Variants in XK observed in about 807,000 individuals in gnomAD.
The protein encoded by XK is X-linked Kx blood group antigen, Kell and VPS13A binding protein.
Under a neutral mutation model 14.0 loss-of-function variants are expected in XK, and 2 were observed. The observed-to-expected ratio is 0.14, with a 90% CI of 0.06 to 0.45. The LOEUF is 0.45. XK is among the 20% of genes least tolerant of loss of function. The pLI, the probability that XK is intolerant of heterozygous loss-of-function variation, is 0.98. For synonymous variants in XK, 149 were observed against 147.5 expected (o/e 1.01, Z -0.08); for missense variants, 235 against 341.5 (o/e 0.69, Z 2.46).
chrX:37,722,923 A>C (rs1927908011), intron 2 of XK, among the ~76,000 whole-genome samples: 1 of 111,768 alleles, frequency 8.9e-6, no homozygotes, highest in Non-Finnish European at 1.9e-5. Context: ...GAAATGAACA[A>C]ATCCATGCCT....
intron 2 of XK, among the ~76,000 whole-genome samples, chrX:37,715,351 T>C (rs1441139796): frequency 8.9e-6 from 1 of 111,916 alleles, no homozygotes; most frequent in Non-Finnish European, 1.9e-5. Flanking sequence ...ATAAATAGGA[T>C]ATATTGATTT....
intron 1 of XK, among the ~76,000 whole-genome samples, chrX:37,690,682 T>C (rs1927185188): frequency 1.8e-5 from 2 of 112,246 alleles, no homozygotes; most frequent in Admixed American, 9.4e-5. Context: ...ATGTACTGGC[T>C]ACAACTGCTT....
At chrX:37,707,595 C>G (rs1472548152) in intron 2 of XK, among the ~76,000 whole-genome samples, 1 of 110,780 alleles carries the variant, frequency 9.0e-6, no homozygotes, top group Non-Finnish European at 1.9e-5. Context: ...AGATGCTCCT[C>G]ACCTCTCAGA....
intron 2 of XK, among the ~76,000 whole-genome samples, chrX:37,700,301 G>A (rs28940601): frequency 2.8e-3 from 318 of 111,685 alleles, no homozygotes; most frequent in African/African-American, 9.4e-3. Context: ...GCCCCAGCCC[G>A]AGAAGGAGGG....
chrX:37,729,211 C>G lies in XK; in HGVS notation c.*749C>G, dbSNP rs782094176. ...TGGATCAGGAGGGGTGTTAAAACAT[C>G]AAAATGATGGCGACTTGTATAAGTA... On this transcript the variant is annotated 3_prime_UTR_variant, in exon 3 of 3. Coordinates refer to ENST00000378616, the MANE Select transcript of XK (RefSeq NM_021083.4). 9.0e-6 allele frequency: 1 copy of G among 111,100 alleles called. No homozygotes were observed. The highest frequency in any genetic ancestry group is 9.6e-5 in the Admixed American group (1 of 10,468). The allele number at this position is 111,100 out of a possible 1,213,427, so 9.2% of individuals were successfully genotyped here.
intron 2 of XK, among the ~76,000 whole-genome samples, chrX:37,695,427 T>G (rs1927288745): frequency 9.2e-6 from 1 of 108,814 alleles, no homozygotes; most frequent in African/African-American, 3.5e-5. Flanking sequence ...AAGAGCAGAT[T>G]TTGGTTAAGT....
intron 2 of XK, among the ~76,000 whole-genome samples, chrX:37,718,540 A>G (rs1303851830): frequency 1.8e-5 from 2 of 111,986 alleles, no homozygotes; most frequent in African/African-American, 6.5e-5. Context: ...TTCTGTAAAT[A>G]TCCTTGTGCG....
intron 2 of XK, among the ~76,000 whole-genome samples, chrX:37,712,513 A>C (rs1215467588): frequency 8.9e-6 from 1 of 112,397 alleles, no homozygotes; most frequent in Non-Finnish European, 1.9e-5. Context: ...AGAAAACACA[A>C]AATTTCAGAA....
At chrX:37,698,888 C>G (rs1161190241) in intron 2 of XK, among the ~76,000 whole-genome samples, 3 of 111,870 alleles carry the variant, frequency 2.7e-5, no homozygotes, top group African/African-American at 6.5e-5. Context: ...GCAAATGTTT[C>G]CAAAACTTAG....
chrX:37,687,450 C>T (rs899366633), intron 1 of XK, among the ~76,000 whole-genome samples: 3 of 107,484 alleles, frequency 2.8e-5, no homozygotes, highest in Non-Finnish European at 5.8e-5. Context: ...TTTTTTCTTT[C>T]TTTTTTTTTG....
intron 2 of XK, among the ~76,000 whole-genome samples, chrX:37,711,206 CAGGAATGGCTGTGTAGCCTGGAG>C (rs1927658105): frequency 8.9e-6 from 1 of 112,301 alleles, no homozygotes; most frequent in African/African-American, 3.2e-5. Context: ...AGTATGGAGG[CAGGAATGGCTGTGTAGCCTGGAG>C]AGCTACATAG....
chrX:37,727,985 C>G lies in XK; in HGVS notation c.858C>G (p.Leu286=). The change falls in exon 3 of 3, where the codon CTC becomes CTG. Residue 286 remains leucine (L), a synonymous_variant. Coordinates refer to ENST00000378616, the MANE Select transcript of XK (RefSeq NM_021083.4). The stretch of plus-strand genomic sequence containing the variant: ...TTGTACTATGCTTTCTAACTTTACT[C>G]TATACTGGTATCAACATGTTCTGCT... ...TTIVLCFLTL[L]YTGINMFCWS... is the part of the protein sequence containing the mutation. The G allele has an allele frequency of 8.3e-7, 1 of 1,211,322 alleles. No homozygotes were observed. Among genetic ancestry groups the G allele is most frequent in the African/African-American group, 1.7e-5 (1 of 57,725 alleles).
In XK at chrX:37,727,955, C is replaced by T. The variant is rs1202459574; in HGVS notation, c.828C>T (p.Thr276=). 2.5e-6 allele frequency: 3 copies of T among 1,209,064 alleles called. No homozygotes were observed. The highest frequency in any genetic ancestry group is 2.3e-4 in the Middle Eastern group (1 of 4,374). The stretch of plus-strand genomic sequence containing the variant: ...AGAAGGCCCTCAGTAGAGTGGGCAC[C>T]ACCATTGTACTATGCTTTCTAACTT... ...NIEKALSRVG[T]TIVLCFLTLL... is the part of the protein sequence containing the mutation. Residue 276 remains threonine (T), a synonymous_variant, in exon 3 of 3, where the codon ACC becomes ACT. Transcript: ENST00000378616.
chrX:37,687,194 TACACACACACACACACAC>T (rs36002435), intron 1 of XK, among the ~76,000 whole-genome samples: 1 of 87,048 alleles, frequency 1.1e-5, no homozygotes, highest in Non-Finnish European at 2.3e-5. Context: ...CTCTCTCTCT[TACACACACACACACACAC>T]ACACACACAC....
At chrX:37,718,542 C>T (rs1429172355) in intron 2 of XK, among the ~76,000 whole-genome samples, 1 of 111,686 alleles carries the variant, frequency 9.0e-6, no homozygotes, top group Non-Finnish European at 1.9e-5. Flanking sequence ...CTGTAAATAT[C>T]CTTGTGCGGG....
intron 2 of XK, among the ~76,000 whole-genome samples, chrX:37,710,947 T>C (rs781980954): frequency 2.7e-5 from 3 of 112,011 alleles, no homozygotes; most frequent in African/African-American, 6.5e-5. Context: ...GTCAGTCTAA[T>C]TGACATGTCC....
rs1251910812 is a variant in XK at position 37,727,484 on chromosome X, G to C, written c.509-152G>C. ...CTGCAGTTCTGGAAAACATACTCAA[G>C]CACAGTGGGCAGATGCTAACAACTG... On this transcript the variant is annotated intron_variant, in intron 2 of 2. Coordinates refer to ENST00000378616, the MANE Select transcript of XK (RefSeq NM_021083.4). The C allele has an allele frequency of 1.1e-5, 6 of 531,380 alleles. No individual in the cohort carries two copies. In the African/African-American group the frequency reaches 1.4e-4, roughly 12 times the overall value. 43.8% of individuals were successfully genotyped at this position (531,380 alleles called of 1,213,427 possible).
intron 2 of XK, among the ~76,000 whole-genome samples, chrX:37,724,176 T>C (rs1195892418): frequency 9.0e-6 from 1 of 111,671 alleles, no homozygotes; most frequent in Non-Finnish European, 1.9e-5. Context: ...TGTTTTTCCA[T>C]TTATTCGTAA....
intron 1 of XK, among the ~76,000 whole-genome samples, chrX:37,692,916 T>TTAAAG (rs1556441682): frequency 9.0e-6 from 1 of 111,496 alleles, no homozygotes; most frequent in Non-Finnish European, 1.9e-5. Context: ...ATGTAATATA[T>TTAAAG]TAAAGTGTTC....
Sources: allele counts gnomAD v4.1 joint callset (sites outside exome capture counted in the v4.1 genomes callset), GRCh38; gene constraint gnomAD v4.1.1; transcripts MANE v1.5; gene names NCBI Gene and HGNC (gene_info 2026-07-23, HGNC 2026-07-21).